The following BTNL2 variants were observed in gnomAD, a reference collection of about 807,000 sequenced individuals.
BTNL2 encodes butyrophilin like 2.
In BTNL2, 46 loss-of-function variants were observed where a neutral mutation model predicts 46.8. The ratio of observed to expected loss-of-function variants is 0.98; its 90% CI spans 0.78 to 1.26. The LOEUF is 1.26. BTNL2 is among the 50% of genes most tolerant of loss of function. The pLI is 0.00. For missense variants in BTNL2, 461 were observed against 592.6 expected (o/e 0.78, Z 2.31); for synonymous variants, 226 against 229.1 (o/e 0.99, Z 0.12).
Position 32,402,997 on chromosome 6 carries a change from A to C in BTNL2, c.647T>G (p.Val216Gly), listed in dbSNP as rs1168243105. The C allele has an allele frequency of 3.1e-6, 5 of 1,612,932 alleles. No homozygotes were observed. The highest frequency in any genetic ancestry group is 4.2e-6 in the Non-Finnish European group (5 of 1,180,028). Residue 216 changes from valine to glycine, a missense_variant, in exon 3 of 8, where the codon GTG (valine) becomes GGG (glycine). Coordinates refer to ENST00000454136, the MANE Select transcript of BTNL2 (RefSeq NM_001304561.2). ...LVVRNASAES[V>G]SCLVHNPVLT... ...GACGGGGTTGTGGACCAAGCAGGAC[A>C]CAGACTCTGCAGAGGCGTTCCTGAC... is the stretch of plus-strand genomic sequence containing the variant.
rs41333546 is a variant in BTNL2 at position 32,396,280 on chromosome 6, C to T, written c.837G>A (p.Glu279=). 0.015 allele frequency: 24,401 copies of T among 1,613,010 alleles called. 1,124 individuals carry two copies. In the East Asian group the frequency reaches 0.16, roughly 10 times the overall value. The change falls in exon 5 of 8, where the codon GAG becomes GAA. Residue 279 remains glutamate, a synonymous_variant. Coordinates refer to ENST00000454136, the MANE Select transcript of BTNL2 (RefSeq NM_001304561.2). This position sits in a 1 kb window ranked among gnomAD's most constrained non-coding sequence, Gnocchi z 4.4. The part of the protein sequence containing the change: ...LSPKANAQSM[E]VRWDRSHRYP... ...AACGGTGGGATCGGTCCCACCTCAC[C>T]TCCATGCTCTGTGCATTCGCCTTGG...
chr6:32,402,810 G>C (rs9461741), intron 3 of BTNL2, 125 bp downstream of exon 3: 22,732 of 1,017,408 alleles, frequency 0.022, 590 homozygotes, highest in Middle Eastern at 0.11. Flanking sequence ...ATGTTTTATG[G>C]CTTTCAATAC....
chr6:32,403,750 T>A (rs1422239994), intron 2 of BTNL2: 1 of 155,702 alleles, frequency 6.4e-6, no homozygotes, highest in African/African-American at 2.4e-5. Flanking sequence ...GAAATGCGAA[T>A]CTCCACGAGG....
At chr6:32,395,639 A>G (rs1266278760) in intron 5 of BTNL2, among the ~76,000 whole-genome samples, 1 of 152,192 alleles carries the variant, frequency 6.6e-6, no homozygotes, top group African/African-American at 2.4e-5. Flanking sequence ...AACTGTCAAT[A>G]TTTATAATTT....
Position 32,403,126 on chromosome 6 carries a change from G to A in BTNL2, c.518C>T (p.Pro173Leu). 6.2e-7 allele frequency: 1 copy of A among 1,612,804 alleles called. No homozygotes were observed. The highest frequency in any genetic ancestry group is 2.2e-5 in the East Asian group (1 of 44,856). The change falls in exon 3 of 8, where the codon CCC becomes CTC. Residue 173 changes from proline (P) to leucine (L), a missense_variant. Physicochemically the swap from Pro to Leu is moderately conservative, Grantham distance 98. Transcript: ENST00000454136. ...CCGGATGTCTTCCCAATACACCTGG[G>A]GCTCTGGGAACCAGCCCCTTGCAGT... ...VCTARGWFPE[P>L]QVYWEDIRGE...
rs750606254 is a variant in BTNL2, at chr6:32,401,776, C to T, written c.730+9G>A. On this transcript the variant is annotated intron_variant, in intron 4 of 7. Coordinates refer to ENST00000454136, the MANE Select transcript of BTNL2 (RefSeq NM_001304561.2). Reference sequence around the variant, plus strand: ...CCTCCACAGGTGTGTGCCAGCACCTCGTACTTACCCAGCTCAGTCTGGAGT... The same window carrying T: ...CCTCCACAGGTGTGTGCCAGCACCTTGTACTTACCCAGCTCAGTCTGGAGT... The T allele has an allele frequency of 3.1e-6, 5 of 1,611,544 alleles. No individual in the cohort carries two copies. In the South Asian group the frequency reaches 5.5e-5, roughly 18 times the overall value.
chr6:32,405,087 G>A lies in BTNL2; in HGVS notation c.279C>T (p.Gly93=), dbSNP rs1777039464. 1 of 1,612,876 alleles carries A rather than the reference G, an allele frequency of 6.2e-7. No homozygotes were observed. The highest frequency in any genetic ancestry group is 1.3e-5 in the African/African-American group (1 of 74,872). The change falls in exon 2 of 8, where the codon GGC becomes GGT. Residue 93 remains glycine (G), a synonymous_variant. Transcript: ENST00000454136. The part of the protein sequence containing the change: ...VTEMQMEEYR[G]WVEWIENGIA... ...TGCCATTCTCTATCCACTCTACCCA[G>A]CCTCTGTACTCCTCCATCTGCATCT...
At chr6:32,395,125 A>ACC in intron 5 of BTNL2, 100 bp from the exon 6 acceptor site, 2 of 1,266,300 alleles carry the variant, frequency 1.6e-6, no homozygotes, top group South Asian at 1.5e-5. Context: ...GGGCTTGGGG[A>ACC]AGGGAGAAAA....
chr6:32,404,034 C>T (rs1776958360), intron 2 of BTNL2, among the ~76,000 whole-genome samples: 1 of 152,034 alleles, frequency 6.6e-6, no homozygotes, highest in African/African-American at 2.4e-5. Flanking sequence ...GTTCCCTGTC[C>T]CCCCATGTCA....
chr6:32,395,123 G>A, intron 5 of BTNL2, 98 bp from the exon 6 acceptor site: 2 of 1,310,366 alleles, frequency 1.5e-6, no homozygotes, highest in Non-Finnish European at 2.1e-6. Context: ...GAGGGCTTGG[G>A]GAAGGGAGAA....
chr6:32,399,232 G>A lies in BTNL2; in HGVS notation c.730+2553C>T, dbSNP rs118143002. ...TACACAGCCTTCCAGACAATTTTGT[G>A]CTGAAATGTATTGCTTTGTTTTGTT... On this transcript the variant is annotated intron_variant, in intron 4 of 7. Transcript: ENST00000454136. The surrounding 1 kb of genome is among the most constrained non-coding windows in gnomAD (Gnocchi z 5.2). 0.018 allele frequency among the ~76,000 whole-genome samples: 2,673 copies of A among 152,254 alleles called. 79 individuals are homozygous for A. The highest frequency in any genetic ancestry group is 0.11 in the East Asian group (571 of 5,186).
Position 32,405,186 on chromosome 6 carries a change from G to A in BTNL2, c.180C>T (p.His60=), listed in dbSNP as rs28362683. ...CQLLPKRTTM[H]VEVRWYRSEP... ...CTGAGCGGTACCACCTCACCTCCAC[G>A]TGCATTGTGGTCCTCTTGGGGAGTA... Residue 60 remains histidine (H), a synonymous_variant, in exon 2 of 8, where the codon CAC becomes CAT. Transcript: ENST00000454136. The A allele has an allele frequency of 0.082, 132,411 of 1,612,882 alleles. 7,047 individuals are homozygous for A. Among genetic ancestry groups the A allele is most frequent in the East Asian group, 0.19 (8,556 of 44,878 alleles).
rs774824056 is a variant in BTNL2, at chr6:32,395,028, G to C, written c.1079-3C>G. ...GATCAGTGGGGAAGAACCCAGACCT[G>C]GGGCAGAGAAAGCAACCAAAGCCTG... On this transcript the variant is annotated splice_polypyrimidine_tract_variant and splice_region_variant and intron_variant, in intron 5 of 7. Transcript: ENST00000454136. 1 of 1,552,336 alleles carries C rather than the reference G, an allele frequency of 6.4e-7. No individual in the cohort carries two copies. The highest frequency in any genetic ancestry group is 8.7e-7 in the Non-Finnish European group (1 of 1,147,920).
Position 32,403,073 on chromosome 6 carries a change from G to C in BTNL2, c.571C>G (p.His191Asp), listed in dbSNP as rs776582332. Residue 191 changes from histidine (H) to aspartate (D), a missense_variant, in exon 3 of 8, where the codon CAT becomes GAT. His to Asp is a moderately conservative substitution (Grantham distance 81). Transcript: ENST00000454136. ...RGEKLLAVSE[H>D]RIQDKDGLFY... Reference sequence around the variant, plus strand: ...AGGCCATCTTTATCTTGGATGCGATGCTCAGACACGGCCAGCAGCTTCTCT... The same window carrying C: ...AGGCCATCTTTATCTTGGATGCGATCCTCAGACACGGCCAGCAGCTTCTCT... The C allele has an allele frequency of 1.9e-6, 3 of 1,612,918 alleles. No homozygotes were observed. The highest frequency in any genetic ancestry group is 2.5e-6 in the Non-Finnish European group (3 of 1,179,930).
At chr6:32,404,815 T>G in intron 2 of BTNL2, 124 bp downstream of exon 2, 1 of 901,222 alleles carries the variant, frequency 1.1e-6, no homozygotes, top group Non-Finnish European at 1.7e-6. Flanking sequence ...TCAATCAGGG[T>G]AGAGGACTAA....
intron 2 of BTNL2, chr6:32,403,922 T>G (rs951633124): frequency 6.6e-6 from 1 of 152,310 alleles, no homozygotes; most frequent in Non-Finnish European, 1.5e-5. Context: ...AATTCTGTCT[T>G]AATCACTTGC....
rs1776879522 is a variant in BTNL2, at chr6:32,403,001, A to G, written c.643T>C (p.Ser215Pro). The change falls in exon 3 of 8, where the codon TCT becomes CCT. Residue 215 changes from serine (S) to proline (P), a missense_variant. By Grantham distance (74) the Ser-to-Pro change is moderately conservative. Transcript: ENST00000454136. ...TLVVRNASAE[S>P]VSCLVHNPVL... ...GGGTTGTGGACCAAGCAGGACACAG[A>G]CTCTGCAGAGGCGTTCCTGACCACC... is the stretch of plus-strand genomic sequence containing the variant. 6.2e-7 allele frequency: 1 copy of G among 1,612,854 alleles called. No homozygotes were observed. The highest frequency in any genetic ancestry group is 1.3e-5 in the African/African-American group (1 of 74,970).
intron 5 of BTNL2, among the ~76,000 whole-genome samples, chr6:32,395,410 G>A (rs1044655470): frequency 4.6e-5 from 7 of 152,130 alleles, no homozygotes; most frequent in Non-Finnish European, 8.8e-5. Flanking sequence ...CAGAAAATAC[G>A]AGGCTCATGA....
chr6:32,402,115 A>T (rs1488897515), intron 3 of BTNL2, among the ~76,000 whole-genome samples: 1 of 152,180 alleles, frequency 6.6e-6, no homozygotes, highest in African/African-American at 2.4e-5. Context: ...ATAGATACAC[A>T]GAAAGTACAA....
Sources: gnomAD v4.1 joint callset for allele counts (sites outside exome capture counted in the v4.1 genomes callset) on GRCh38, gnomAD v4.1.1 for gene constraint, Gnocchi (gnomAD v3.1) non-coding constraint, MANE v1.5 for transcripts, NCBI Gene and HGNC (gene_info 2026-07-23, HGNC 2026-07-21) for gene names.